LRP1B: variants seen among roughly 807,000 people sequenced by gnomAD.
LRP1B encodes the protein low-density lipoprotein receptor-related protein 1B.
LRP1B carries 217 observed loss-of-function variants against 556.6 expected under a neutral mutation model. The ratio of observed to expected loss-of-function variants is 0.39; its 90% CI spans 0.35 to 0.44. The LOEUF is 0.44. LRP1B is among the 20% of genes least tolerant of loss of function. The pLI is 1.00. For missense variants in LRP1B, 5,053 were observed against 5,620.8 expected (o/e 0.90, Z 3.23); for synonymous variants, 2,047 against 1,865.8 (o/e 1.10, Z -2.50).
intron 55 of LRP1B, among the ~76,000 whole-genome samples, chr2:140,496,273 G>C (rs186488652): frequency 2.0e-5 from 3 of 151,942 alleles, no homozygotes; most frequent in Non-Finnish European, 2.9e-5. Flanking sequence ...AATTACTTTT[G>C]TACCAATCTA....
At chr2:141,732,003 A>G (rs923182271) in intron 2 of LRP1B, among the ~76,000 whole-genome samples, 5 of 152,094 alleles carry the variant, frequency 3.3e-5, no homozygotes, top group Admixed American at 6.6e-5. Context: ...CTCAGTATCT[A>G]TTCCCAATGT....
At chr2:142,057,654 A>G (rs761467968) in intron 1 of LRP1B, among the ~76,000 whole-genome samples, 3 of 152,178 alleles carry the variant, frequency 2.0e-5, no homozygotes, top group Non-Finnish European at 4.4e-5. Flanking sequence ...TAAAAATAAT[A>G]CTTGGCAAGA....
At chr2:141,015,341 T>C (rs1337122048) in intron 13 of LRP1B, among the ~76,000 whole-genome samples, 1 of 152,140 alleles carries the variant, frequency 6.6e-6, no homozygotes, top group Non-Finnish European at 1.5e-5. Context: ...TAATACATAA[T>C]GTTAAACTTC....
At chr2:141,590,887 C>T (rs192820179) in intron 2 of LRP1B, among the ~76,000 whole-genome samples, 4 of 152,284 alleles carry the variant, frequency 2.6e-5, no homozygotes, top group East Asian at 1.9e-4. Context: ...AAGTCCTTTC[C>T]GTTGTTCCTG....
At chr2:140,972,685 G>A (rs1696465356) in intron 18 of LRP1B, among the ~76,000 whole-genome samples, 1 of 146,862 alleles carries the variant, frequency 6.8e-6, no homozygotes, top group South Asian at 2.2e-4. Context: ...GTTTATGTAA[G>A]TTTCTGACAA....
intron 5 of LRP1B, among the ~76,000 whole-genome samples, chr2:141,231,622 C>T (rs1016871072): frequency 8.0e-5 from 12 of 149,084 alleles, no homozygotes; most frequent in Non-Finnish European, 1.5e-4. Flanking sequence ...CCACCCCTGC[C>T]CCGCCCCGCC....
intron 12 of LRP1B, among the ~76,000 whole-genome samples, chr2:141,017,487 G>A (rs1012705025): frequency 6.6e-5 from 10 of 151,214 alleles, no homozygotes; most frequent in East Asian, 2.0e-4. Context: ...ACGCACACAC[G>A]AGACAGAGAT....
chr2:141,638,141 C>G (rs1689169568), intron 2 of LRP1B, among the ~76,000 whole-genome samples: 1 of 151,964 alleles, frequency 6.6e-6, no homozygotes. Context: ...GAGCCGAGGT[C>G]CACCCACTGC....
chr2:140,342,849 T>C (rs1681466058), intron 77 of LRP1B, among the ~76,000 whole-genome samples: 1 of 151,536 alleles, frequency 6.6e-6, no homozygotes, highest in Non-Finnish European at 1.5e-5. Context: ...AAAGAAAGAA[T>C]AGAAAATGTG....
rs1408648698 is a variant in LRP1B, at chr2:141,621,891, GTTTGTTTC to G, written c.206-141366_206-141359del. Among the ~76,000 whole-genome samples, 591 of 152,122 alleles carry G rather than the reference GTTTGTTTC, an allele frequency of 3.9e-3. 3 individuals are homozygous for G. The highest frequency in any genetic ancestry group is 0.014 in the African/African-American group (569 of 41,518). On this transcript the variant is annotated intron_variant, in intron 2 of 90. Coordinates refer to ENST00000389484, the MANE Select transcript of LRP1B (RefSeq NM_018557.3). ...TACTATCTCTCTTTTTTGTTTGTTT[GTTTGTTTC>G]TTTGTTTTTGAGATGTTGCTTTGAT...
intron 25 of LRP1B, among the ~76,000 whole-genome samples, chr2:140,872,248 C>T (rs1234780627): frequency 1.3e-5 from 2 of 151,598 alleles, no homozygotes; most frequent in African/African-American, 4.8e-5. Flanking sequence ...AGAGAAGGCA[C>T]CAGGCTCCCT....
chr2:140,829,654 A>G (rs554919719), intron 31 of LRP1B, among the ~76,000 whole-genome samples: 16 of 152,266 alleles, frequency 1.1e-4, no homozygotes, highest in African/African-American at 3.6e-4. Flanking sequence ...ACAGCAATGA[A>G]CACCTACATC....
chr2:140,883,523 G>A (rs1198532292), intron 25 of LRP1B, among the ~76,000 whole-genome samples: 1 of 150,662 alleles, frequency 6.6e-6, no homozygotes, highest in African/African-American at 2.4e-5. Context: ...AAAAAGAGTT[G>A]CAATAGCTTC....
rs562799284 is a variant in LRP1B, at chr2:141,243,491, A to G, written c.592+3735T>C. On this transcript the variant is annotated intron_variant, in intron 5 of 90. Coordinates refer to ENST00000389484, the MANE Select transcript of LRP1B (RefSeq NM_018557.3). ...TGTGAGACTACATCTCTTAAAGAAA[A>G]TAAATAAATAAATAAACATTAATTA... Among the ~76,000 whole-genome samples, 5 of 152,264 alleles carry G rather than the reference A, an allele frequency of 3.3e-5. No individual in the cohort carries two copies. In the East Asian group the frequency reaches 9.6e-4, roughly 29 times the overall value.
intron 82 of LRP1B, among the ~76,000 whole-genome samples, chr2:140,318,181 AT>A (rs971918376): frequency 9.2e-5 from 14 of 152,178 alleles, no homozygotes; most frequent in Non-Finnish European, 1.3e-4. Flanking sequence ...CAGAAAAAAA[AT>A]AACTAGCATT....
At chr2:142,091,043 G>T (rs1574674432) in intron 1 of LRP1B, among the ~76,000 whole-genome samples, 1 of 152,076 alleles carries the variant, frequency 6.6e-6, no homozygotes, top group Non-Finnish European at 1.5e-5. Flanking sequence ...TTGGTTATGA[G>T]AGAGACTAAT....
chr2:141,179,344 T>A (rs943147544), intron 7 of LRP1B, among the ~76,000 whole-genome samples: 1 of 152,148 alleles, frequency 6.6e-6, no homozygotes, highest in African/African-American at 2.4e-5. Context: ...AATATTTTCT[T>A]TGTATGTTTC....
intron 84 of LRP1B, among the ~76,000 whole-genome samples, chr2:140,281,300 C>T (rs1406083729): frequency 6.6e-6 from 1 of 151,834 alleles, no homozygotes; most frequent in African/African-American, 2.4e-5. Context: ...AACTTATTTC[C>T]CTAATATTTT....
chr2:140,472,475 T>C (rs943230622), intron 60 of LRP1B, among the ~76,000 whole-genome samples: 6 of 152,064 alleles, frequency 3.9e-5, no homozygotes, highest in African/African-American at 1.4e-4. Flanking sequence ...TTTCCTAAGC[T>C]AGTAAATTGA....
Sources: allele counts gnomAD v4.1 joint callset (sites outside exome capture counted in the v4.1 genomes callset), GRCh38; gene constraint gnomAD v4.1.1; transcripts MANE v1.5; gene names NCBI Gene and HGNC (gene_info 2026-07-23, HGNC 2026-07-21).